Variants in WDR35 observed in about 807,000 individuals in gnomAD.
WDR35 encodes the protein WD repeat-containing protein 35.
Under a neutral mutation model 158.3 loss-of-function variants are expected in WDR35, and 118 were observed. The observed-to-expected ratio is 0.75, with a 90% CI of 0.64 to 0.87. WDR35 has a LOEUF of 0.87. Ranked by LOEUF, WDR35 falls within the 40% of genes least tolerant of loss-of-function variation. The pLI is 0.00. For synonymous variants in WDR35, 448 were observed against 476.1 expected (o/e 0.94, Z 0.77); for missense variants, 1,263 against 1,405.8 (o/e 0.90, Z 1.62).
At chr2:19,959,258 C>G (rs1671552857) in intron 11 of WDR35, among the ~76,000 whole-genome samples, 2 of 151,930 alleles carry the variant, frequency 1.3e-5, no homozygotes, top group South Asian at 4.1e-4. Flanking sequence ...AAACAGTCTA[C>G]TTGTGATAAA....
At chr2:19,951,515 T>A in intron 12 of WDR35, 31 bp from the exon 13 acceptor site, 1 of 1,549,254 alleles carries the variant, frequency 6.5e-7, no homozygotes, top group Admixed American at 1.7e-5. Flanking sequence ...TCAAAGAAAG[T>A]TTAAGTATAG....
chr2:19,926,083 T>A (rs1223586913), intron 25 of WDR35, among the ~76,000 whole-genome samples: 4 of 152,140 alleles, frequency 2.6e-5, no homozygotes, highest in Non-Finnish European at 5.9e-5. Flanking sequence ...TTTGCGTAAT[T>A]AAGAAAAAAT....
intron 10 of WDR35, among the ~76,000 whole-genome samples, chr2:19,963,546 C>T (rs531563226): frequency 1.3e-5 from 2 of 152,250 alleles, no homozygotes; most frequent in South Asian, 4.1e-4. Flanking sequence ...GGACACACTG[C>T]ACCATGGTCA....
chr2:19,970,964 T>G (rs928550270), intron 8 of WDR35, among the ~76,000 whole-genome samples: 1 of 152,186 alleles, frequency 6.6e-6, no homozygotes, highest in African/African-American at 2.4e-5. Context: ...TCTTTCCCTT[T>G]CCATTAATAG....
rs763031783 is a variant in WDR35, at chr2:19,946,566, C to A, written c.1529G>T (p.Arg510Leu). The change falls in exon 15 of 27, where the codon CGT becomes CTT. Residue 510 changes from arginine to leucine, a missense_variant. Arg to Leu is a moderately radical substitution (Grantham distance 102). Coordinates refer to ENST00000281405, the MANE Select transcript of WDR35 (RefSeq NM_020779.4). Reference sequence around the variant, plus strand: ...GTATCTCTGAATGGTGCCAGATTCACGACCCTATGGAAATTACTTTTGATT... The same window carrying A: ...GTATCTCTGAATGGTGCCAGATTCAAGACCCTATGGAAATTACTTTTGATT... Reference protein sequence around the residue: ...TASDKILIVGRESGTIQRYSL... With the variant: ...TASDKILIVGLESGTIQRYSL... The A allele has an allele frequency of 1.9e-6, 3 of 1,613,176 alleles. No individual in the cohort carries two copies. The highest frequency in any genetic ancestry group is 2.5e-6 in the Non-Finnish European group (3 of 1,179,400).
At chr2:19,962,472 T>C (rs1671693966) in intron 10 of WDR35, 1 of 758,158 alleles carries the variant, frequency 1.3e-6, no homozygotes, top group African/African-American at 1.7e-5. Flanking sequence ...GTAATGCACA[T>C]TTTACATCAC....
chr2:19,960,606 T>A lies in WDR35; in HGVS notation c.1203A>T (p.Leu401=). 1 of 1,608,196 alleles carries A rather than the reference T, an allele frequency of 6.2e-7. No individual in the cohort carries two copies. The highest frequency in any genetic ancestry group is 2.2e-5 in the East Asian group (1 of 44,668). Residue 401 remains leucine, a synonymous_variant, in exon 11 of 27, where the codon CTA becomes CTT. Coordinates refer to ENST00000281405, the MANE Select transcript of WDR35 (RefSeq NM_020779.4). ...KADENHPQFV[L]VLCNSIGTPL... ...GTGTACCAATAGAATTACAAAGAAC[T>A]AGTACAAACTGTGAACAAATAAAAC...
chr2:19,913,224 A>G lies in WDR35; in HGVS notation c.*334T>C, dbSNP rs1224484420. On this transcript the variant is annotated 3_prime_UTR_variant, in exon 27 of 27. Coordinates refer to ENST00000281405, the MANE Select transcript of WDR35 (RefSeq NM_020779.4). ...CTCCCTACTCCCTTCAAGATTTTTT[A>G]ATGAATTCAGTTACCTTGACACTGT... 2 of 211,562 alleles carry G rather than the reference A, an allele frequency of 9.5e-6. No individual in the cohort carries two copies. The highest frequency in any genetic ancestry group is 1.9e-5 in the Non-Finnish European group (2 of 104,562). 13.1% of individuals were successfully genotyped at this position (211,562 alleles called of 1,614,324 possible). A position where few individuals can be genotyped will look rare whatever the true frequency, so the allele number is the denominator to read the frequency against.
Position 19,937,615 on chromosome 2 carries a change from T to C in WDR35, c.2267+128A>G. On this transcript the variant is annotated intron_variant, in intron 19 of 26. Coordinates refer to ENST00000281405, the MANE Select transcript of WDR35 (RefSeq NM_020779.4). ...GGCATGTAGAATATCTAGGTTGTAA[T>C]CCAAACTTAAAATTAATTTCTAAAA... The C allele has an allele frequency of 3.9e-6, 5 of 1,273,000 alleles. No homozygotes were observed. In the East Asian group the frequency reaches 7.2e-5, roughly 18 times the overall value. The allele number at this position is 1,273,000 out of a possible 1,614,324, so 78.9% of individuals were successfully genotyped here.
At position 19,914,203 on chromosome 2, in the gene WDR35, C is replaced by A. The variant is rs772921417; in HGVS notation, c.3196G>T (p.Ala1066Ser). 2.5e-6 allele frequency: 4 copies of A among 1,614,150 alleles called. No homozygotes were observed. In the South Asian group the frequency reaches 3.3e-5, roughly 13 times the overall value. Residue 1066 changes from alanine (A) to serine (S), a missense_variant, in exon 26 of 27, where the codon GCC becomes TCC. Transcript: ENST00000281405. ...IYSLLALCAC[A>S]SRAFGTCSKA... ...GAACAAGTCCCAAAGGCTCTGCTGGCGCATGCGCAGAGTGCTAGCAGAGAG... is the reference window on the plus strand; with the variant it reads ...GAACAAGTCCCAAAGGCTCTGCTGGAGCATGCGCAGAGTGCTAGCAGAGAG...
At position 19,929,605 on chromosome 2, in the gene WDR35, T is replaced by C. The variant is rs1008802440; in HGVS notation, c.3121+791A>G. 3.3e-5 allele frequency among the ~76,000 whole-genome samples: 5 copies of C among 152,344 alleles called. No homozygotes were observed. The East Asian group carries it at 7.7e-4, about 23-fold the overall frequency. On this transcript the variant is annotated intron_variant, in intron 25 of 26. Transcript: ENST00000281405. The stretch of plus-strand genomic sequence containing the variant: ...TATTGTTAAGAAGAAATTGAGATCC[T>C]GATATTACATGTAAATAATCTTCTA...
chr2:19,962,735 A>G (rs1671701761), intron 10 of WDR35, among the ~76,000 whole-genome samples: 1 of 152,170 alleles, frequency 6.6e-6, no homozygotes, highest in Non-Finnish European at 1.5e-5. Flanking sequence ...TTTAAAAAAA[A>G]ATAAAAAGAA....
chr2:19,948,089 C>T (rs1234769454), intron 14 of WDR35, 75 bp downstream of exon 14: 1 of 1,213,314 alleles, frequency 8.2e-7, no homozygotes, highest in Non-Finnish European at 1.2e-6. Flanking sequence ...AGACATGGGG[C>T]ACACACCTGG....
intron 25 of WDR35, among the ~76,000 whole-genome samples, chr2:19,921,445 T>C (rs1219562215): frequency 1.3e-5 from 2 of 152,186 alleles, no homozygotes; most frequent in African/African-American, 4.8e-5. Context: ...CCATCTGATC[T>C]TTGAGAAACC....
At chr2:19,945,759 CTG>C (rs1671024410) in intron 16 of WDR35, 25 bp downstream of exon 16, 1 of 1,612,414 alleles carries the variant, frequency 6.2e-7, no homozygotes, top group Non-Finnish European at 8.5e-7. Context: ...TATTTATAGA[CTG>C]TTAACACTCA....
intron 8 of WDR35, among the ~76,000 whole-genome samples, chr2:19,971,164 CAGAATGAT>C (rs1273154486): frequency 6.6e-6 from 1 of 152,046 alleles, no homozygotes; most frequent in East Asian, 1.9e-4. Context: ...TTTTATTTGA[CAGAATGAT>C]AGAATCCCCA....
Position 19,930,500 on chromosome 2 carries a change from T to A in WDR35, c.3017A>T (p.Asp1006Val). The change falls in exon 25 of 27, where the codon GAT becomes GTT. Residue 1006 changes from aspartate to valine, a missense_variant. Asp to Val is a radical substitution (Grantham distance 152). Transcript: ENST00000281405. Reference protein sequence around the residue: ...LLEEEVLSTTDRFTDNAWRGA... With the variant: ...LLEEEVLSTTVRFTDNAWRGA... ...TCTCCATGCATTATCTGTGAAACGA[T>A]CTGTTGTAGACAGAACTTCTTCTTC... The A allele has an allele frequency of 6.2e-7, 1 of 1,614,198 alleles. No homozygotes were observed. Among genetic ancestry groups the A allele is most frequent in the Non-Finnish European group, 8.5e-7 (1 of 1,180,028 alleles).
At chr2:19,987,256 A>G (rs892627740) in intron 2 of WDR35, among the ~76,000 whole-genome samples, 3 of 152,214 alleles carry the variant, frequency 2.0e-5, no homozygotes, top group African/African-American at 7.2e-5. Context: ...CTGAATCAAC[A>G]CTAGTTGTAT....
chr2:19,938,554 C>A (rs139054223), intron 17 of WDR35, among the ~76,000 whole-genome samples, 153 bp from the exon 18 acceptor site: 405 of 152,184 alleles, frequency 2.7e-3, no homozygotes, highest in African/African-American at 9.1e-3. Flanking sequence ...ACGTTTGGGT[C>A]TTTTGAGTTA....
Sources: gnomAD v4.1 joint callset for allele counts (sites outside exome capture counted in the v4.1 genomes callset) on GRCh38, gnomAD v4.1.1 for gene constraint, MANE v1.5 for transcripts, NCBI Gene and HGNC (gene_info 2026-07-23, HGNC 2026-07-21) for gene names.